Variants in LRRC4C observed in about 807,000 individuals in gnomAD.
LRRC4C encodes leucine rich repeat containing 4C, also known as leucine-rich repeat-containing protein 4C.
LRRC4C carries 5 observed loss-of-function variants against 33.6 expected under a neutral mutation model. The ratio of observed to expected loss-of-function variants is 0.15; its 90% CI spans 0.08 to 0.31. The LOEUF is 0.31. Ranked by LOEUF, LRRC4C falls within the 10% of genes least tolerant of loss-of-function variation. The pLI, the probability that LRRC4C is intolerant of heterozygous loss-of-function variation, is 1.00. For missense variants in LRRC4C, 560 were observed against 796.7 expected (o/e 0.70, Z 3.58); for synonymous variants, 329 against 302.0 (o/e 1.09, Z -0.93).
chr11:40,911,036 C>T (rs1004242742), intron 2 of LRRC4C, among the ~76,000 whole-genome samples: 7 of 152,184 alleles, frequency 4.6e-5, no homozygotes, highest in African/African-American at 1.7e-4. Flanking sequence ...AGTAGGTAAA[C>T]AAAGCTGCTG....
chr11:40,581,817 C>T (rs1333459869), intron 3 of LRRC4C, among the ~76,000 whole-genome samples: 3 of 152,192 alleles, frequency 2.0e-5, no homozygotes, highest in South Asian at 4.2e-4. Flanking sequence ...GCAGGAGAAT[C>T]GCTTGAACCT....
chr11:40,513,708 T>C (rs1002815917), intron 3 of LRRC4C, among the ~76,000 whole-genome samples: 1 of 152,138 alleles, frequency 6.6e-6, no homozygotes, highest in Non-Finnish European at 1.5e-5. Context: ...ACTTTACAAC[T>C]CTCCAGGATA....
intron 5 of LRRC4C, among the ~76,000 whole-genome samples, chr11:40,142,196 T>G (rs1210115529): frequency 6.8e-6 from 1 of 148,044 alleles, no homozygotes; most frequent in African/African-American, 2.5e-5. Flanking sequence ...GCAGAATTGC[T>G]TGGACTTGGT....
At chr11:40,372,705 G>T (rs1283949254) in intron 3 of LRRC4C, among the ~76,000 whole-genome samples, 1 of 152,110 alleles carries the variant, frequency 6.6e-6, no homozygotes, top group Non-Finnish European at 1.5e-5. Flanking sequence ...CTTCCCTGGG[G>T]AGAGAGAGAA....
chr11:40,686,679 T>A (rs894634747), intron 2 of LRRC4C, among the ~76,000 whole-genome samples: 3 of 152,020 alleles, frequency 2.0e-5, no homozygotes, highest in African/African-American at 7.2e-5. Flanking sequence ...TTCAAAATAA[T>A]TTTTTTAAAA....
intron 3 of LRRC4C, among the ~76,000 whole-genome samples, chr11:40,563,835 C>T (rs1261004045): frequency 6.6e-6 from 1 of 152,158 alleles, no homozygotes; most frequent in Admixed American, 6.5e-5. Flanking sequence ...ATAGTACTTT[C>T]CCTATTTGCT....
At chr11:40,994,786 T>C (rs961295082) in intron 1 of LRRC4C, among the ~76,000 whole-genome samples, 3 of 141,806 alleles carry the variant, frequency 2.1e-5, no homozygotes, top group Non-Finnish European at 3.1e-5. Flanking sequence ...TTCTTTACTG[T>C]CTCTTTAAGA....
chr11:40,287,081 C>A (rs929609541), intron 4 of LRRC4C, among the ~76,000 whole-genome samples: 4 of 151,910 alleles, frequency 2.6e-5, no homozygotes, highest in African/African-American at 7.3e-5. Flanking sequence ...CTTGAAGTAA[C>A]CTTAGTTTTT....
intron 1 of LRRC4C, among the ~76,000 whole-genome samples, chr11:40,943,667 G>A (rs1292146833): frequency 6.6e-6 from 1 of 152,126 alleles, no homozygotes; most frequent in African/African-American, 2.4e-5. Context: ...GAAGGGGAAG[G>A]GGTAAAAAAT....
chr11:40,650,034 A>AT (rs1014068251), intron 2 of LRRC4C, among the ~76,000 whole-genome samples: 29 of 152,218 alleles, frequency 1.9e-4, no homozygotes, highest in Non-Finnish European at 7.3e-5. Context: ...ATGTCAAAAT[A>AT]TTTTTTGTGT....
chr11:41,205,671 C>CA (rs1015642694), intron 1 of LRRC4C, among the ~76,000 whole-genome samples: 5 of 151,798 alleles, frequency 3.3e-5, no homozygotes, highest in African/African-American at 1.2e-4. Flanking sequence ...AAACAACAAA[C>CA]AAAAAAAACT....
chr11:40,750,223 AAAAC>A (rs1219757052), intron 2 of LRRC4C, among the ~76,000 whole-genome samples: 2 of 152,094 alleles, frequency 1.3e-5, no homozygotes, highest in Admixed American at 1.3e-4. Context: ...CCCTGTCTCA[AAAAC>A]AAACAAAAAT....
At chr11:40,682,538 G>A (rs1001819813) in intron 2 of LRRC4C, among the ~76,000 whole-genome samples, 2 of 152,036 alleles carry the variant, frequency 1.3e-5, no homozygotes, top group Non-Finnish European at 2.9e-5. Flanking sequence ...CACTTTGGGA[G>A]GCCGAGGCAG....
At chr11:40,329,737 CTT>C (rs199598860) in intron 3 of LRRC4C, among the ~76,000 whole-genome samples, 87,538 of 121,322 alleles carry the variant, frequency 0.72, 30,333 homozygotes, top group East Asian at 0.9. Flanking sequence ...CTTTCTTTTT[CTT>C]TTTTTTTTTT....
At chr11:41,011,965 A>T (rs1469802895) in intron 1 of LRRC4C, among the ~76,000 whole-genome samples, 2 of 148,956 alleles carry the variant, frequency 1.3e-5, no homozygotes, top group African/African-American at 4.9e-5. Context: ...ATTGATACTT[A>T]ATAGATGTGT....
chr11:40,445,379 G>A (rs1951585173), intron 3 of LRRC4C: 1 of 153,214 alleles, frequency 6.5e-6, no homozygotes, highest in Non-Finnish European at 1.5e-5. Flanking sequence ...GTCTAGTGAT[G>A]AGTAACCAGT....
chr11:40,322,464 T>C (rs1322275925), intron 3 of LRRC4C, among the ~76,000 whole-genome samples: 1 of 152,134 alleles, frequency 6.6e-6, no homozygotes, highest in Non-Finnish European at 1.5e-5. Context: ...CAGGCTGGTC[T>C]CAAACTCCTG....
At position 41,081,383 on chromosome 11, in the gene LRRC4C, G is replaced by A. The variant is rs528900232; in HGVS notation, c.-495-147660C>T. On this transcript the variant is annotated intron_variant, in intron 1 of 6. Coordinates refer to ENST00000528697, the MANE Select transcript of LRRC4C (RefSeq NM_001258419.2). ...AGACAAGAAGGCACTGAATAAAAAG[G>A]TCCCACAAAGATGCAGCAGTGAATT... 2.0e-5 allele frequency among the ~76,000 whole-genome samples: 3 copies of A among 152,228 alleles called. No individual in the cohort carries two copies. In the East Asian group the frequency reaches 5.8e-4, roughly 29 times the overall value.
chr11:40,993,684 C>A (rs1325844580), intron 1 of LRRC4C, among the ~76,000 whole-genome samples: 1 of 151,878 alleles, frequency 6.6e-6, no homozygotes, highest in African/African-American at 2.4e-5. Flanking sequence ...TCTAATATTT[C>A]TATTGCGAAT....
Sources: allele counts gnomAD v4.1 joint callset (sites outside exome capture counted in the v4.1 genomes callset), GRCh38; gene constraint gnomAD v4.1.1; transcripts MANE v1.5; gene names NCBI Gene and HGNC (gene_info 2026-07-23, HGNC 2026-07-21).